Variants in PTPRD observed in about 807,000 individuals in gnomAD.
The protein encoded by PTPRD is receptor-type tyrosine-protein phosphatase delta.
PTPRD carries 34 observed loss-of-function variants against 214.5 expected under a neutral mutation model. The ratio of observed to expected loss-of-function variants is 0.16; its 90% confidence interval spans 0.12 to 0.21. The LOEUF (loss-of-function observed/expected upper bound fraction) is 0.21, where lower values mean the gene tolerates loss of function less well. Ranked by LOEUF, PTPRD falls within the 10% of genes least tolerant of loss-of-function variation. The probability of loss-of-function intolerance (pLI) is 1.00; values close to 1 mark genes in which losing one functional copy is unlikely to be tolerated. For synonymous variants in PTPRD, 1,128 were observed against 845.7 expected, an observed-to-expected ratio of 1.33 and a Z score of -5.79; for missense variants, 2,545 against 2,398.7, an observed-to-expected ratio of 1.06 and a Z score of -1.27.
At chr9:8,564,876 C>A (rs2088248212) in intron 14 of PTPRD, among the ~76,000 whole-genome samples, 1 of 151,978 alleles carries the variant, frequency 6.6e-6, no homozygotes, top group Non-Finnish European at 1.5e-5. Context: ...CCTAAATAAT[C>A]TAAGCAAAAT....
chr9:9,236,658 A>G (rs551470432), intron 9 of PTPRD, among the ~76,000 whole-genome samples: 40 of 135,210 alleles, frequency 3.0e-4, no homozygotes, highest in African/African-American at 1.0e-3. Context: ...TTGGGTGTCA[A>G]TTCATTTGTG....
intron 2 of PTPRD, among the ~76,000 whole-genome samples, chr9:10,482,278 G>A (rs780459309): frequency 6.6e-6 from 1 of 151,986 alleles, no homozygotes; most frequent in South Asian, 2.1e-4. Flanking sequence ...GGCTGAGGCA[G>A]GAGAATGGCA....
chr9:9,837,676 T>G (rs925176967), intron 5 of PTPRD, among the ~76,000 whole-genome samples: 21 of 152,050 alleles, frequency 1.4e-4, no homozygotes, highest in Non-Finnish European at 2.4e-4. Flanking sequence ...ATGAGGGGAG[T>G]GGCTGTAATA....
chr9:9,548,328 C>G (rs1422680311), intron 8 of PTPRD, among the ~76,000 whole-genome samples: 1 of 150,098 alleles, frequency 6.7e-6, no homozygotes, highest in Non-Finnish European at 1.5e-5. Flanking sequence ...GCTAATCATT[C>G]AATTAAAGGG....
At chr9:10,297,577 T>A (rs1367634781) in intron 3 of PTPRD, among the ~76,000 whole-genome samples, 2 of 130,976 alleles carry the variant, frequency 1.5e-5, no homozygotes, top group Non-Finnish European at 3.1e-5. Flanking sequence ...TGTAATGAGT[T>A]GTGTTTTTTT....
intron 14 of PTPRD, among the ~76,000 whole-genome samples, chr9:8,619,793 C>T (rs878906783): frequency 6.6e-6 from 1 of 151,850 alleles, no homozygotes; most frequent in African/African-American, 2.4e-5. Context: ...TTCCTAGAGA[C>T]CCCCAAAACA....
chr9:8,650,397 T>C (rs571132946), intron 12 of PTPRD, among the ~76,000 whole-genome samples: 9 of 151,952 alleles, frequency 5.9e-5, no homozygotes, highest in African/African-American at 2.2e-4. Context: ...CAGTGGCACA[T>C]GCCTGTAATC....
At chr9:9,923,336 C>A (rs1566361026) in intron 5 of PTPRD, among the ~76,000 whole-genome samples, 2 of 147,218 alleles carry the variant, frequency 1.4e-5, no homozygotes, top group African/African-American at 5.1e-5. Flanking sequence ...AAGAAAGACA[C>A]AAAGAGATGG....
chr9:8,921,799 A>G (rs535730792), intron 11 of PTPRD, among the ~76,000 whole-genome samples: 28 of 152,220 alleles, frequency 1.8e-4, no homozygotes, highest in Admixed American at 1.0e-3. Context: ...TAGCCTCCCA[A>G]TAAATTTTGA....
chr9:10,288,504 C>G (rs1293195186), intron 3 of PTPRD, among the ~76,000 whole-genome samples: 1 of 152,020 alleles, frequency 6.6e-6, no homozygotes, highest in Non-Finnish European at 1.5e-5. Flanking sequence ...ACTTATAGGT[C>G]AAGTATAGCA....
At chr9:10,485,606 A>C (rs1430101276) in intron 2 of PTPRD, among the ~76,000 whole-genome samples, 3 of 151,872 alleles carry the variant, frequency 2.0e-5, no homozygotes, top group Non-Finnish European at 4.4e-5. Context: ...CTAGGTATTT[A>C]ATTTTATTTG....
chr9:9,157,101 A>T (rs2099881872), intron 10 of PTPRD, among the ~76,000 whole-genome samples: 1 of 152,216 alleles, frequency 6.6e-6, no homozygotes, highest in African/African-American at 2.4e-5. Flanking sequence ...GAAACACAAC[A>T]TATGAAAACT....
At chr9:9,920,902 T>C (rs959913696) in intron 5 of PTPRD, among the ~76,000 whole-genome samples, 1 of 152,136 alleles carries the variant, frequency 6.6e-6, no homozygotes, top group African/African-American at 2.4e-5. Flanking sequence ...GGATTTAAGA[T>C]AGAAGATCAG....
Position 10,105,387 on chromosome 9 carries a change from G to A in PTPRD, c.-544-71597C>T, listed in dbSNP as rs985973676. Among the ~76,000 whole-genome samples the A allele has an allele frequency of 9.9e-5, 15 of 151,880 alleles. 2 individuals are homozygous for A. The South Asian group carries it at 3.1e-3, about 32-fold the overall frequency. ...ACATAATTTTTAATAAGAATAGTTA[G>A]GTAGAAAAGCTACATTTAGAGAGGA... On this transcript the variant is annotated intron_variant, in intron 3 of 45. Transcript: ENST00000381196.
intron 10 of PTPRD, among the ~76,000 whole-genome samples, chr9:9,071,086 T>C (rs984519791): frequency 2.6e-5 from 4 of 152,150 alleles, no homozygotes; most frequent in African/African-American, 9.6e-5. Context: ...GCTAATCTTT[T>C]AATTTTTTTG....
At chr9:10,586,624 T>A (rs2073972071) in intron 2 of PTPRD, among the ~76,000 whole-genome samples, 1 of 152,084 alleles carries the variant, frequency 6.6e-6, no homozygotes, top group Non-Finnish European at 1.5e-5. Flanking sequence ...TCAGGTTTGC[T>A]TGCGGGCATA....
intron 2 of PTPRD, among the ~76,000 whole-genome samples, chr9:10,473,201 A>C (rs988605169): frequency 6.6e-6 from 1 of 152,060 alleles, no homozygotes; most frequent in East Asian, 1.9e-4. Context: ...TCTTTTAAAG[A>C]AATAAACATT....
At chr9:10,023,549 T>C (rs2096864611) in intron 4 of PTPRD, among the ~76,000 whole-genome samples, 1 of 151,772 alleles carries the variant, frequency 6.6e-6, no homozygotes, top group Non-Finnish European at 1.5e-5. Flanking sequence ...TATTCACTTG[T>C]TTTTTTCTTT....
chr9:8,560,440 TACACACACACACAC>T (rs71317370), intron 14 of PTPRD, among the ~76,000 whole-genome samples: 7 of 143,336 alleles, frequency 4.9e-5, no homozygotes, highest in South Asian at 2.2e-4. Flanking sequence ...AAAAAATACA[TACACACACACACAC>T]ACACACACAC....
Sources: gnomAD v4.1 joint callset for allele counts (sites outside exome capture counted in the v4.1 genomes callset) on GRCh38, gnomAD v4.1.1 for gene constraint, MANE v1.5 for transcripts, NCBI Gene and HGNC (gene_info 2026-07-23, HGNC 2026-07-21) for gene names.